The following ATP9A variants were observed in gnomAD, a reference collection of about 807,000 sequenced individuals.
ATP9A encodes the protein ATPase phospholipid transporting 9A, also known as probable phospholipid-transporting ATPase IIA.
A neutral mutation model predicts 144.1 loss-of-function variants in ATP9A; 52 were observed. That is an observed-to-expected ratio of 0.36 (90% CI 0.29 to 0.45). The LOEUF (loss-of-function observed/expected upper bound fraction) is 0.45. ATP9A is among the 20% of genes least tolerant of loss of function. The pLI is 1.00. For synonymous variants in ATP9A, 582 were observed against 557.4 expected (o/e 1.04, Z -0.62); for missense variants, 947 against 1,392.7 (o/e 0.68, Z 5.09).
At chr20:51,605,828 T>C (rs369260845) in intron 26 of ATP9A, among the ~76,000 whole-genome samples, 66 of 146,622 alleles carry the variant, frequency 4.5e-4, no homozygotes, top group East Asian at 3.7e-3. Flanking sequence ...CACGAGAATT[T>C]CTTAAACCTG....
At chr20:51,621,539 C>T (rs1447509750) in intron 19 of ATP9A, among the ~76,000 whole-genome samples, 1 of 152,156 alleles carries the variant, frequency 6.6e-6, no homozygotes, top group Non-Finnish European at 1.5e-5. Flanking sequence ...TCCTGATGTG[C>T]ACATTGTCTT....
At chr20:51,664,742 A>C (rs1228081232) in intron 13 of ATP9A, among the ~76,000 whole-genome samples, 1 of 151,682 alleles carries the variant, frequency 6.6e-6, no homozygotes, top group Admixed American at 6.6e-5. Flanking sequence ...TCCTTTTGAG[A>C]GGAGTCTCCC....
At chr20:51,613,359 G>T (rs1414213562) in intron 23 of ATP9A, among the ~76,000 whole-genome samples, 1 of 152,172 alleles carries the variant, frequency 6.6e-6, no homozygotes, top group Non-Finnish European at 1.5e-5. Flanking sequence ...CTTGCCCCAT[G>T]CCAGGCACTG....
intron 1 of ATP9A, among the ~76,000 whole-genome samples, chr20:51,740,610 C>T (rs1046569422): frequency 1.2e-5 from 1 of 81,686 alleles, no homozygotes; most frequent in Non-Finnish European, 2.6e-5. Context: ...TTCTGTCACC[C>T]AGGCAGGACT....
chr20:51,738,627 T>C (rs1353215638), intron 1 of ATP9A, among the ~76,000 whole-genome samples: 2 of 152,102 alleles, frequency 1.3e-5, no homozygotes, highest in Admixed American at 1.3e-4. Flanking sequence ...GGAGAATCTC[T>C]TGAACCTGGG....
chr20:51,743,822 C>T (rs184541575), intron 1 of ATP9A, among the ~76,000 whole-genome samples: 117 of 151,326 alleles, frequency 7.7e-4, no homozygotes, highest in African/African-American at 2.7e-3. Context: ...TCCTGGCCAA[C>T]ATGGTGAAAC....
chr20:51,723,951 G>A (rs1004366838), intron 3 of ATP9A, among the ~76,000 whole-genome samples: 1 of 151,962 alleles, frequency 6.6e-6, no homozygotes, highest in Non-Finnish European at 1.5e-5. Context: ...TGGGTGGATC[G>A]CCTGAGGTCA....
intron 9 of ATP9A, among the ~76,000 whole-genome samples, chr20:51,686,400 T>A (rs1261997340): frequency 2.0e-5 from 3 of 151,746 alleles, no homozygotes; most frequent in South Asian, 2.1e-4. Context: ...ATAAAAAATT[T>A]TAAATTTCTA....
chr20:51,719,261 G>A (rs1235715163), intron 3 of ATP9A, among the ~76,000 whole-genome samples: 1 of 152,160 alleles, frequency 6.6e-6, no homozygotes. Flanking sequence ...CCTTCAACAA[G>A]AGCAGAGAGG....
At chr20:51,691,425 C>T (rs868517659) in intron 7 of ATP9A, among the ~76,000 whole-genome samples, 68 of 152,108 alleles carry the variant, frequency 4.5e-4, no homozygotes, top group African/African-American at 1.4e-3. Flanking sequence ...GCTGAGATCG[C>T]GCCACTGCAT....
intron 1 of ATP9A, among the ~76,000 whole-genome samples, chr20:51,746,211 AAAGAT>A (rs1290690679): frequency 2.4e-4 from 37 of 152,316 alleles, no homozygotes; most frequent in African/African-American, 8.9e-4. Context: ...GAAGAGCAGA[AAAGAT>A]AACTGTTGGG....
At chr20:51,711,330 A>G (rs1324902556) in intron 4 of ATP9A, among the ~76,000 whole-genome samples, 1 of 152,024 alleles carries the variant, frequency 6.6e-6, no homozygotes, top group Non-Finnish European at 1.5e-5. Flanking sequence ...ATTTTTTTTT[A>G]GCCCAAAACA....
intron 1 of ATP9A, among the ~76,000 whole-genome samples, chr20:51,758,723 G>C (rs1002614722): frequency 6.6e-6 from 1 of 152,102 alleles, no homozygotes; most frequent in African/African-American, 2.4e-5. Flanking sequence ...TCAAGAGTTC[G>C]AGACCAGCCT....
chr20:51,624,861 C>T (rs1486896814), intron 18 of ATP9A, among the ~76,000 whole-genome samples: 2 of 151,970 alleles, frequency 1.3e-5, no homozygotes, highest in East Asian at 1.9e-4. Flanking sequence ...AAAAATTAGC[C>T]AGGCGTGGTG....
At chr20:51,706,444 T>A (rs1341648622) in intron 4 of ATP9A, among the ~76,000 whole-genome samples, 1 of 152,200 alleles carries the variant, frequency 6.6e-6, no homozygotes, top group African/African-American at 2.4e-5. Flanking sequence ...CCATAAAAGC[T>A]ACCTTCACAG....
intron 13 of ATP9A, among the ~76,000 whole-genome samples, chr20:51,658,430 C>T (rs1004943811): frequency 4.0e-5 from 6 of 151,886 alleles, no homozygotes; most frequent in Admixed American, 2.0e-4. Flanking sequence ...CTGAGAAACC[C>T]GCTCAGCACC....
intron 14 of ATP9A, among the ~76,000 whole-genome samples, chr20:51,653,004 G>T (rs561499705): frequency 6.6e-6 from 1 of 151,898 alleles, no homozygotes; most frequent in East Asian, 1.9e-4. Flanking sequence ...CAGCTGCTGG[G>T]GAGACTGAGG....
At chr20:51,755,860 C>A (rs1265119427) in intron 1 of ATP9A, among the ~76,000 whole-genome samples, 1 of 151,938 alleles carries the variant, frequency 6.6e-6, no homozygotes, top group African/African-American at 2.4e-5. Context: ...GAGGCTGAGG[C>A]AGGAGAATGG....
intron 6 of ATP9A, among the ~76,000 whole-genome samples, chr20:51,695,194 C>G (rs1172371266): frequency 6.6e-6 from 1 of 152,064 alleles, no homozygotes; most frequent in African/African-American, 2.4e-5. Context: ...AAAATTAAAA[C>G]TAAGGCCATT....
Sources: allele counts gnomAD v4.1 joint callset (sites outside exome capture counted in the v4.1 genomes callset), GRCh38; gene constraint gnomAD v4.1.1; transcripts MANE v1.5; gene names NCBI Gene and HGNC (gene_info 2026-07-23, HGNC 2026-07-21).